WWOX: variants seen among roughly 807,000 people sequenced by gnomAD.
WWOX encodes the protein WW domain-containing oxidoreductase.
In WWOX, 69 loss-of-function variants were observed where a neutral mutation model predicts 46.2. That is an observed-to-expected ratio of 1.49 (90% confidence interval 1.23 to 1.82). WWOX has a LOEUF of 1.82. Ranked by LOEUF, WWOX falls within the 40% of genes most tolerant of loss-of-function variation. The pLI is 0.00. For synonymous variants in WWOX, 359 were observed against 202.6 expected (o/e 1.77, Z -6.56); for missense variants, 919 against 542.6 (o/e 1.69, Z -6.89).
At chr16:78,697,022 C>A (rs1056193468) in intron 8 of WWOX, among the ~76,000 whole-genome samples, 15 of 152,156 alleles carry the variant, frequency 9.9e-5, no homozygotes, top group African/African-American at 3.6e-4. Flanking sequence ...GAGTAGTATT[C>A]CATTGTATAT....
At chr16:78,491,140 A>G (rs1265817157) in intron 8 of WWOX, among the ~76,000 whole-genome samples, 1 of 152,142 alleles carries the variant, frequency 6.6e-6, no homozygotes, top group Non-Finnish European at 1.5e-5. Flanking sequence ...TCTATTGGCA[A>G]AAGGCTCTCC....
chr16:78,901,297 G>A (rs147905420), intron 8 of WWOX, among the ~76,000 whole-genome samples: 85 of 152,306 alleles, frequency 5.6e-4, no homozygotes, highest in African/African-American at 2.0e-3. Context: ...ATGTGTTTGT[G>A]AAAATAAGAC....
Position 78,576,721 on chromosome 16 carries a change from A to G in WWOX, c.1056+143969A>G, listed in dbSNP as rs76374195. On this transcript the variant is annotated intron_variant, in intron 8 of 8. Coordinates refer to ENST00000566780, the MANE Select transcript of WWOX (RefSeq NM_016373.4). Reference sequence around the variant, plus strand: ...ATGGCTCATAGGTGTAGTCCCAGCTACTCAAGAGGCTAAAGGGGGATATTT... The same window carrying G: ...ATGGCTCATAGGTGTAGTCCCAGCTGCTCAAGAGGCTAAAGGGGGATATTT... 1.6e-4 allele frequency among the ~76,000 whole-genome samples: 25 copies of G among 152,214 alleles called. No homozygotes were observed. The East Asian group carries it at 4.8e-3, about 29-fold the overall frequency.
chr16:78,128,553 C>T (rs2033454556), intron 4 of WWOX, among the ~76,000 whole-genome samples: 1 of 152,124 alleles, frequency 6.6e-6, no homozygotes, highest in Non-Finnish European at 1.5e-5. Flanking sequence ...CAGTGCAGCA[C>T]GAATTTAGAT....
chr16:78,926,075 G>A (rs978890868), intron 8 of WWOX, among the ~76,000 whole-genome samples: 1 of 152,164 alleles, frequency 6.6e-6, no homozygotes, highest in Non-Finnish European at 1.5e-5. Flanking sequence ...TGCTGCTCTT[G>A]GTAGAGGTTT....
At chr16:78,277,136 G>A (rs2079591994) in intron 5 of WWOX, among the ~76,000 whole-genome samples, 1 of 152,114 alleles carries the variant, frequency 6.6e-6, no homozygotes. Context: ...GCTTTTCCTT[G>A]ATTCAGTAAA....
chr16:78,225,304 T>C (rs752828281), intron 5 of WWOX, among the ~76,000 whole-genome samples: 4 of 152,242 alleles, frequency 2.6e-5, no homozygotes, highest in Non-Finnish European at 5.9e-5. Context: ...AAATATGGTA[T>C]TATAATCTGA....
intron 5 of WWOX, among the ~76,000 whole-genome samples, chr16:78,363,358 C>T (rs1259424962): frequency 6.6e-6 from 1 of 151,968 alleles, no homozygotes; most frequent in Non-Finnish European, 1.5e-5. Flanking sequence ...ACTCCAGCCC[C>T]AAACTCCCAA....
At chr16:78,532,004 C>T (rs375273783) in intron 8 of WWOX, among the ~76,000 whole-genome samples, 73 of 150,594 alleles carry the variant, frequency 4.8e-4, no homozygotes, top group African/African-American at 1.0e-3. Context: ...TTGGGTTGGG[C>T]GGGAGATTAG....
intron 8 of WWOX, among the ~76,000 whole-genome samples, chr16:78,952,130 T>A (rs1256829869): frequency 2.0e-5 from 3 of 151,988 alleles, no homozygotes; most frequent in African/African-American, 7.2e-5. Flanking sequence ...TTTCTCACTG[T>A]TATCATTGTA....
At chr16:78,501,087 T>C (rs2085052796) in intron 8 of WWOX, among the ~76,000 whole-genome samples, 1 of 152,234 alleles carries the variant, frequency 6.6e-6, no homozygotes, top group South Asian at 2.1e-4. Context: ...GAGGGTCAGC[T>C]GAATGGCAGG....
At chr16:78,863,237 C>G (rs900157897) in intron 8 of WWOX, among the ~76,000 whole-genome samples, 1 of 152,086 alleles carries the variant, frequency 6.6e-6, no homozygotes, top group African/African-American at 2.4e-5. Context: ...GGATTACAGG[C>G]GTGAGCCACC....
intron 1 of WWOX, among the ~76,000 whole-genome samples, chr16:78,105,422 G>T (rs896148933): frequency 2.0e-5 from 3 of 150,536 alleles, no homozygotes; most frequent in African/African-American, 7.3e-5. Context: ...TTGCACCACT[G>T]TACTGCAGCC....
intron 8 of WWOX, among the ~76,000 whole-genome samples, chr16:78,628,893 G>A (rs1446636753): frequency 2.6e-5 from 4 of 152,054 alleles, no homozygotes. Flanking sequence ...ATGGTCCCAG[G>A]CCCCCTCCTC....
At chr16:78,419,557 C>G (rs2082874564) in intron 6 of WWOX, among the ~76,000 whole-genome samples, 1 of 144,348 alleles carries the variant, frequency 6.9e-6, no homozygotes, top group Admixed American at 7.2e-5. Context: ...ATGCTAGAAC[C>G]ACTGGATAGC....
intron 8 of WWOX, among the ~76,000 whole-genome samples, chr16:78,543,503 C>T (rs541150516): frequency 6.6e-6 from 1 of 152,314 alleles, no homozygotes; most frequent in African/African-American, 2.4e-5. Flanking sequence ...AGCTTCCACC[C>T]ATGCACCTTA....
chr16:78,323,505 C>T (rs987215758), intron 5 of WWOX, among the ~76,000 whole-genome samples: 1 of 152,258 alleles, frequency 6.6e-6, no homozygotes, highest in East Asian at 1.9e-4. Flanking sequence ...TTTCTACCCT[C>T]CTCTTTGAGC....
At chr16:78,375,193 G>C (rs1012662965) in intron 5 of WWOX, among the ~76,000 whole-genome samples, 2 of 152,144 alleles carry the variant, frequency 1.3e-5, no homozygotes, top group African/African-American at 2.4e-5. Context: ...AACCGTCGTC[G>C]TCATTTCTCA....
At chr16:79,130,084 C>T (rs1468315160) in intron 8 of WWOX, among the ~76,000 whole-genome samples, 1 of 152,124 alleles carries the variant, frequency 6.6e-6, no homozygotes, top group Non-Finnish European at 1.5e-5. Flanking sequence ...GTAAGGTTGC[C>T]ATTTTTATTT....
Sources: allele counts gnomAD v4.1 joint callset (sites outside exome capture counted in the v4.1 genomes callset), GRCh38; gene constraint gnomAD v4.1.1; transcripts MANE v1.5; gene names NCBI Gene and HGNC (gene_info 2026-07-23, HGNC 2026-07-21).